VSTM2A: variants seen among roughly 807,000 people sequenced by gnomAD.
The protein encoded by VSTM2A is V-set and transmembrane domain-containing protein 2A.
A neutral mutation model predicts 27.3 loss-of-function variants in VSTM2A; 13 were observed. That is an observed-to-expected ratio of 0.48 (90% CI 0.31 to 0.76). The LOEUF is 0.76. Among genes scored for constraint, VSTM2A ranks in the 30% least tolerant of loss-of-function variants. VSTM2A has a pLI of 0.05. For synonymous variants in VSTM2A, 142 were observed against 125.7 expected, an observed-to-expected ratio of 1.13 and a Z score of -0.87; for missense variants, 280 against 310.0, an observed-to-expected ratio of 0.90 and a Z score of 0.73.
chr7:54,553,415 T>C (rs1788250363), intron 4 of VSTM2A, among the ~76,000 whole-genome samples: 1 of 152,246 alleles, frequency 6.6e-6, no homozygotes, highest in South Asian at 2.1e-4. Context: ...TCCAGTTTTG[T>C]GTACCATGAC....
At chr7:54,549,459 G>A (rs1474439530) in intron 3 of VSTM2A, among the ~76,000 whole-genome samples, 1 of 152,196 alleles carries the variant, frequency 6.6e-6, no homozygotes, top group Non-Finnish European at 1.5e-5. Flanking sequence ...GAAGAAAAGA[G>A]GTTGTTTCAC....
chr7:54,561,074 T>C (rs1015502684), intron 4 of VSTM2A, among the ~76,000 whole-genome samples: 2 of 152,148 alleles, frequency 1.3e-5, no homozygotes, highest in African/African-American at 2.4e-5. Flanking sequence ...AAATAGTTAA[T>C]TTGAAAAATC....
intron 1 of VSTM2A, 111 bp from the exon 2 acceptor site, chr7:54,544,511 G>A (rs1787878641): frequency 3.0e-6 from 4 of 1,336,606 alleles, no homozygotes; most frequent in Non-Finnish European, 3.2e-6. Context: ...GGATGTAAGA[G>A]AGGGGTTTTG....
At chr7:54,545,986 G>T (rs1343927230) in intron 2 of VSTM2A, among the ~76,000 whole-genome samples, 1 of 93,748 alleles carries the variant, frequency 1.1e-5, no homozygotes, top group Non-Finnish European at 2.1e-5. Context: ...AGAGGAGAGA[G>T]AATGAGGGGG....
At chr7:54,553,808 C>T (rs921055714) in intron 4 of VSTM2A, 49 of 1,545,092 alleles carry the variant, frequency 3.2e-5, no homozygotes, top group Middle Eastern at 1.7e-4. Flanking sequence ...CTCCACCATG[C>T]CCCCAAATAC....
chr7:54,545,834 G>T (rs1377900006), intron 2 of VSTM2A, among the ~76,000 whole-genome samples: 5 of 130,026 alleles, frequency 3.8e-5, no homozygotes, highest in African/African-American at 1.5e-4. Flanking sequence ...AGAGAGAAGG[G>T]GAGGGGGAAG....
At chr7:54,566,149 G>A (rs930281706) in intron 4 of VSTM2A, among the ~76,000 whole-genome samples, 4 of 152,178 alleles carry the variant, frequency 2.6e-5, no homozygotes, top group African/African-American at 7.2e-5. Context: ...AATAGATGTC[G>A]AAGGACGTTA....
chr7:54,544,823 G>T, intron 2 of VSTM2A, 35 bp downstream of exon 2: 1 of 1,561,030 alleles, frequency 6.4e-7, no homozygotes, highest in South Asian at 1.2e-5. Flanking sequence ...TCTCCCCTTC[G>T]CTCGCCCGGT....
At chr7:54,543,993 C>T (rs1787863735) in intron 1 of VSTM2A, among the ~76,000 whole-genome samples, 1 of 152,200 alleles carries the variant, frequency 6.6e-6, no homozygotes, top group South Asian at 2.1e-4. Flanking sequence ...GTGATCATTA[C>T]ATCTTAAGAT....
intron 4 of VSTM2A, chr7:54,551,318 A>G (rs1788185597): frequency 1.3e-5 from 2 of 152,116 alleles, no homozygotes; most frequent in Non-Finnish European, 2.9e-5. Context: ...TGTATGCCAA[A>G]ATAGGTTTTC....
intron 1 of VSTM2A, 56 bp downstream of exon 1, chr7:54,542,865 C>T: frequency 2.6e-6 from 4 of 1,517,296 alleles, no homozygotes; most frequent in Non-Finnish European, 1.8e-6. Context: ...GTGTTTCCTA[C>T]ACTCAAAAAG....
At chr7:54,553,880 TCCAGAAGTCAAAC>T (rs1438823384) in intron 4 of VSTM2A, 4 of 1,551,220 alleles carry the variant, frequency 2.6e-6, no homozygotes, top group Non-Finnish European at 3.5e-6. Flanking sequence ...CTCCAATCCT[TCCAGAAGTCAAAC>T]ATCTCCACAG....
intron 4 of VSTM2A, among the ~76,000 whole-genome samples, chr7:54,561,183 T>C (rs1158996606): frequency 6.6e-6 from 1 of 152,200 alleles, no homozygotes; most frequent in Non-Finnish European, 1.5e-5. Flanking sequence ...CTGAAAATAT[T>C]ATAAGGGTTG....
At chr7:54,557,019 G>T (rs985955431) in intron 4 of VSTM2A, 2 of 152,210 alleles carry the variant, frequency 1.3e-5, no homozygotes, top group African/African-American at 2.4e-5. Flanking sequence ...TGGCCAAAGT[G>T]TTGAAAACTT....
At chr7:54,544,906 T>C in intron 2 of VSTM2A, 118 bp downstream of exon 2, 1 of 1,219,198 alleles carries the variant, frequency 8.2e-7, no homozygotes, top group Non-Finnish European at 1.1e-6. Context: ...CCCGGTTCTG[T>C]GGAAGCGAGT....
chr7:54,569,399 T>C lies in VSTM2A; in HGVS notation c.*180T>C. Reference sequence around the variant, plus strand: ...TTCCCTTTTCTTTCGGCGACTAAAATCATCTCACTGACTGCTCAAGGGTTG... The same window carrying C: ...TTCCCTTTTCTTTCGGCGACTAAAACCATCTCACTGACTGCTCAAGGGTTG... On this transcript the variant is annotated 3_prime_UTR_variant, in exon 5 of 5. Coordinates refer to ENST00000402613, the MANE Select transcript of VSTM2A (RefSeq NM_001301009.2). The C allele has an allele frequency of 9.1e-7, 1 of 1,098,540 alleles. No individual in the cohort carries two copies. Among genetic ancestry groups the C allele is most frequent in the African/African-American group, 1.6e-5 (1 of 63,370 alleles). The allele number at this position is 1,098,540 out of a possible 1,614,324, so 68.0% of individuals were successfully genotyped here.
chr7:54,549,134 AAATC>A (rs1395649684), intron 3 of VSTM2A, among the ~76,000 whole-genome samples: 4 of 152,222 alleles, frequency 2.6e-5, no homozygotes, highest in African/African-American at 9.6e-5. Flanking sequence ...TCAATTTTGA[AAATC>A]AAGCCAGTGT....
chr7:54,562,166 T>C (rs1788582575), intron 4 of VSTM2A, among the ~76,000 whole-genome samples: 1 of 152,148 alleles, frequency 6.6e-6, no homozygotes, highest in Admixed American at 6.5e-5. Context: ...TCGTGATCTG[T>C]CTGCCTCGGC....
At position 54,542,439 on chromosome 7, in the gene VSTM2A, C is replaced by G. The variant is rs990983754; in HGVS notation, c.-292C>G. The G allele has an allele frequency of 1.3e-5, 6 of 462,294 alleles. No individual in the cohort carries two copies. Among genetic ancestry groups the G allele is most frequent in the Non-Finnish European group, 1.9e-5 (5 of 262,646 alleles). The allele number at this position is 462,294 out of a possible 1,614,324, so 28.6% of individuals were successfully genotyped here. ...CACGCAAGCCGGAGCGGCGGGCTGA[C>G]GTTGGACGAGCTGCCAGGTAGCTGA... On this transcript the variant is annotated 5_prime_UTR_variant, in exon 1 of 5. Transcript: ENST00000402613.
Sources: gnomAD v4.1 joint callset for allele counts (sites outside exome capture counted in the v4.1 genomes callset) on GRCh38, gnomAD v4.1.1 for gene constraint, MANE v1.5 for transcripts, NCBI Gene and HGNC (gene_info 2026-07-23, HGNC 2026-07-21) for gene names.